PCDHA11: variants seen among roughly 807,000 people sequenced by gnomAD.
PCDHA11 encodes the protein protocadherin alpha 11.
In PCDHA11, 61 loss-of-function variants were observed where a neutral mutation model predicts 70.3. The observed-to-expected ratio is 0.87, with a 90% CI of 0.71 to 1.07. The LOEUF (loss-of-function observed/expected upper bound fraction) is 1.07, where lower values mean the gene tolerates loss of function less well. Ranked by LOEUF, PCDHA11 falls within the 50% of genes least tolerant of loss-of-function variation. The pLI is 0.00. For synonymous variants in PCDHA11, 633 were observed against 555.1 expected, an observed-to-expected ratio of 1.14 and a Z score of -1.97; for missense variants, 1,324 against 1,237.5, an observed-to-expected ratio of 1.07 and a Z score of -1.05.
At chr5:140,911,396 G>C (rs1348303429) in intron 1 of PCDHA11, among the ~76,000 whole-genome samples, 1 of 152,104 alleles carries the variant, frequency 6.6e-6, no homozygotes, top group Non-Finnish European at 1.5e-5. Context: ...TTTCATTGCA[G>C]GTCAGCCACT....
chr5:140,966,938 G>T, intron 1 of PCDHA11: 1 of 1,604,146 alleles, frequency 6.2e-7, no homozygotes, highest in African/African-American at 1.3e-5. Flanking sequence ...CGGCGCGCTC[G>T]TGGGCAACGT....
chr5:141,002,336 C>A (rs1236741058), intron 3 of PCDHA11, among the ~76,000 whole-genome samples: 3 of 152,084 alleles, frequency 2.0e-5, no homozygotes, highest in Non-Finnish European at 2.9e-5. Flanking sequence ...TGCATCCGCA[C>A]CCCTTCCCCC....
At chr5:140,941,198 T>TCTTC (rs202127003) in intron 1 of PCDHA11, among the ~76,000 whole-genome samples, 5 of 119,810 alleles carry the variant, frequency 4.2e-5, no homozygotes, top group Non-Finnish European at 7.0e-5. Flanking sequence ...TTTTTTTCTT[T>TCTTC]CTTCCTTTCT....
chr5:140,995,956 G>A (rs1480673532), intron 3 of PCDHA11, among the ~76,000 whole-genome samples: 1 of 152,214 alleles, frequency 6.6e-6, no homozygotes, highest in African/African-American at 2.4e-5. Flanking sequence ...CACGCAAAAT[G>A]CTTAGAACCA....
intron 3 of PCDHA11, among the ~76,000 whole-genome samples, chr5:140,992,867 C>T (rs2097531825): frequency 6.6e-6 from 1 of 152,184 alleles, no homozygotes; most frequent in Admixed American, 6.5e-5. Context: ...CTCTAGCTCC[C>T]TCCTTGATAT....
chr5:140,937,197 C>T (rs1228010742), intron 1 of PCDHA11, among the ~76,000 whole-genome samples: 2 of 151,938 alleles, frequency 1.3e-5, no homozygotes, highest in African/African-American at 2.4e-5. Flanking sequence ...GCCACCATGC[C>T]CGGCTAATTT....
chr5:140,952,023 C>T (rs183831358), intron 1 of PCDHA11, among the ~76,000 whole-genome samples: 2 of 152,236 alleles, frequency 1.3e-5, no homozygotes, highest in African/African-American at 2.4e-5. Flanking sequence ...CATGCAAGTC[C>T]GAAATCCAGT....
At position 140,884,053 on chromosome 5, in the gene PCDHA11, C is replaced by A. The variant is rs782043806; in HGVS notation, c.2391+12559C>A. The stretch of plus-strand genomic sequence containing the variant: ...CAGGCCACGTGGTGGCGAAGGTGCG[C>A]GCGGTGGACGCCGATTCGGGCTACA... On this transcript the variant is annotated intron_variant, in intron 1 of 3. Transcript: ENST00000398640. 10 of 1,613,378 alleles carry A rather than the reference C, an allele frequency of 6.2e-6. No homozygotes were observed. The Admixed American group carries it at 1.2e-4, about 19-fold the overall frequency.
intron 1 of PCDHA11, among the ~76,000 whole-genome samples, chr5:140,922,023 T>TA (rs530025575): frequency 3.9e-5 from 6 of 151,968 alleles, no homozygotes; most frequent in African/African-American, 1.4e-4. Flanking sequence ...AAAATAAATA[T>TA]AAAAAATGTA....
chr5:140,997,698 A>G (rs1587762890), intron 3 of PCDHA11, among the ~76,000 whole-genome samples: 4 of 145,560 alleles, frequency 2.7e-5, no homozygotes, highest in South Asian at 2.2e-4. Context: ...GTGTGTGTGT[A>G]TGTTAACAAA....
chr5:140,924,901 A>AATAAAAT lies in PCDHA11; in HGVS notation c.2391+53408_2391+53409insTAAAATA, dbSNP rs145282866. On this transcript the variant is annotated intron_variant, in intron 1 of 3. Transcript: ENST00000398640. The stretch of plus-strand genomic sequence containing the variant: ...CAGAGCAAGAACCTGTCTCAAAAAA[A>AATAAAAT]AAAATAAAATAAAATAAAATAAAAT... 2.3e-3 allele frequency among the ~76,000 whole-genome samples: 186 copies of AATAAAAT among 80,480 alleles called. 2 individuals carry two copies. The highest frequency in any genetic ancestry group is 0.012 in the Middle Eastern group (2 of 162). The allele number at this position is 80,480 out of a possible 152,430, so 52.8% of individuals were successfully genotyped here. A position where few individuals can be genotyped will look rare whatever the true frequency, so the allele number is the denominator to read the frequency against.
At chr5:140,981,128 G>A (rs1340714771) in intron 2 of PCDHA11, among the ~76,000 whole-genome samples, 1 of 152,214 alleles carries the variant, frequency 6.6e-6, no homozygotes, top group Non-Finnish European at 1.5e-5. Flanking sequence ...GTTGTTTGAA[G>A]TCAAAGAGTG....
intron 1 of PCDHA11, chr5:140,875,653 C>G (rs1554167829): frequency 1.2e-6 from 2 of 1,613,682 alleles, no homozygotes; most frequent in Non-Finnish European, 8.5e-7. Context: ...GGAGCTGGTG[C>G]CGCGCCTGTT....
intron 1 of PCDHA11, among the ~76,000 whole-genome samples, chr5:140,905,368 T>C (rs536118800): frequency 6.6e-6 from 1 of 152,218 alleles, no homozygotes; most frequent in African/African-American, 2.4e-5. Flanking sequence ...TATTTCTGGT[T>C]CTCTGTTCTG....
At chr5:140,934,258 A>G (rs2089731137) in intron 1 of PCDHA11, among the ~76,000 whole-genome samples, 1 of 152,140 alleles carries the variant, frequency 6.6e-6, no homozygotes, top group Non-Finnish European at 1.5e-5. Flanking sequence ...ATCAAAATTA[A>G]TAATAATCAG....
At chr5:140,910,854 T>G (rs2075197535) in intron 1 of PCDHA11, among the ~76,000 whole-genome samples, 1 of 152,212 alleles carries the variant, frequency 6.6e-6, no homozygotes, top group East Asian at 1.9e-4. Flanking sequence ...GGATCTATGT[T>G]CCATCCACCA....
chr5:140,870,334 G>T lies in PCDHA11; in HGVS notation c.1231G>T (p.Ala411Ser), dbSNP rs180868237. The T allele has an allele frequency of 3.1e-6, 5 of 1,614,166 alleles. No individual in the cohort carries two copies. The highest frequency in any genetic ancestry group is 1.7e-5 in the Admixed American group (1 of 60,020). ...TTACTACTCGTTGGTGCTGGACAGCGCCCTGGACCGCGAGAACGTGTGGGC... is the reference window on the plus strand; with the variant it reads ...TTACTACTCGTTGGTGCTGGACAGCTCCCTGGACCGCGAGAACGTGTGGGC... ...KNYYSLVLDS[A>S]LDRENVWAYE... The change falls in exon 1 of 4, where the codon GCC becomes TCC. Residue 411 changes from alanine (A) to serine (S), a missense_variant. Transcript: ENST00000398640.
At chr5:140,879,864 T>C (rs2058152773) in intron 1 of PCDHA11, among the ~76,000 whole-genome samples, 1 of 152,226 alleles carries the variant, frequency 6.6e-6, no homozygotes, top group Admixed American at 6.5e-5. Flanking sequence ...CCTTCTCAGC[T>C]TTCATGGTCA....
At chr5:140,991,984 C>T (rs1393451773) in intron 3 of PCDHA11, among the ~76,000 whole-genome samples, 1 of 151,632 alleles carries the variant, frequency 6.6e-6, no homozygotes, top group Non-Finnish European at 1.5e-5. Context: ...TTCTGCCTAC[C>T]ACCCGGTCTT....
Sources: allele counts gnomAD v4.1 joint callset (sites outside exome capture counted in the v4.1 genomes callset), GRCh38; gene constraint gnomAD v4.1.1; transcripts MANE v1.5; gene names NCBI Gene and HGNC (gene_info 2026-07-23, HGNC 2026-07-21).